The following NAV2 variants were observed in gnomAD, a reference collection of about 807,000 sequenced individuals.
NAV2 encodes helicase, APC down-regulated 1.
Under a neutral mutation model 223.2 loss-of-function variants are expected in NAV2, and 54 were observed. That is an observed-to-expected ratio of 0.24 (90% confidence interval 0.19 to 0.30). The LOEUF (loss-of-function observed/expected upper bound fraction) is 0.30, where lower values mean the gene tolerates loss of function less well. Ranked by LOEUF, NAV2 falls within the 10% of genes least tolerant of loss-of-function variation. The pLI is 1.00. For missense variants in NAV2, 2,806 were observed against 3,147.5 expected (o/e 0.89, Z 2.60); for synonymous variants, 1,279 against 1,239.3 (o/e 1.03, Z -0.67).
intron 12 of NAV2, among the ~76,000 whole-genome samples, chr11:20,038,670 T>C (rs1433822432): frequency 1.3e-5 from 2 of 152,166 alleles, no homozygotes; most frequent in Non-Finnish European, 2.9e-5. Context: ...TGTGGCTCAT[T>C]TGGGTTCCTG....
chr11:19,930,002 T>G (rs2045173659), intron 6 of NAV2, among the ~76,000 whole-genome samples: 1 of 152,154 alleles, frequency 6.6e-6, no homozygotes, highest in South Asian at 2.1e-4. Context: ...CTCTACCACT[T>G]TTTACACTGT....
chr11:19,868,381 G>T (rs2153045286), intron 3 of NAV2, among the ~76,000 whole-genome samples: 1 of 152,278 alleles, frequency 6.6e-6, no homozygotes, highest in South Asian at 2.1e-4. Flanking sequence ...AGACTCTCGT[G>T]GGTCCTTTCT....
intron 1 of NAV2, among the ~76,000 whole-genome samples, chr11:19,516,872 CAAGA>C (rs1489123466): frequency 1.3e-5 from 2 of 151,996 alleles, no homozygotes; most frequent in Non-Finnish European, 2.9e-5. Flanking sequence ...AGTGAACAAA[CAAGA>C]AAGACACAAT....
chr11:19,886,725 T>C (rs1235917922), intron 5 of NAV2, among the ~76,000 whole-genome samples: 1 of 152,168 alleles, frequency 6.6e-6, no homozygotes, highest in Non-Finnish European at 1.5e-5. Flanking sequence ...GAATGATTTG[T>C]TATCAGTCCC....
chr11:19,444,628 G>T (rs974715587), intron 1 of NAV2, among the ~76,000 whole-genome samples: 2 of 151,976 alleles, frequency 1.3e-5, no homozygotes, highest in African/African-American at 4.8e-5. Flanking sequence ...AGTTCCCTTT[G>T]TGTTGAACCA....
Position 20,114,643 on chromosome 11 carries a change from A to G in NAV2, c.7012A>G (p.Thr2338Ala). The G allele has an allele frequency of 1.2e-6, 2 of 1,614,158 alleles. No homozygotes were observed. Among genetic ancestry groups the G allele is most frequent in the Non-Finnish European group, 1.7e-6 (2 of 1,180,032 alleles). ...WEDPAKWVMD[T>A]YPWAASPQQH... ...GGATCCTGCCAAGTGGGTGATGGAC[A>G]CATATCCATGGGCAGCCAGCCCACA... The change falls in exon 37 of 38, where the codon ACA (threonine) becomes GCA (alanine). Residue 2338 changes from threonine (T) to alanine (A), a missense_variant. Thr to Ala is a moderately conservative substitution (Grantham distance 58). This residue lies in a region of NAV2 where 824 missense variants were observed against 1,069.4 expected (regional missense o/e 0.77). Coordinates refer to ENST00000349880, the MANE Select transcript of NAV2 (RefSeq NM_145117.5).
rs112628904 is a variant in NAV2, at chr11:19,789,748, G to A, written c.268-42736G>A. Among the ~76,000 whole-genome samples, 665 of 152,304 alleles carry A rather than the reference G, an allele frequency of 4.4e-3. 7 individuals are homozygous for A. Among genetic ancestry groups the A allele is most frequent in the African/African-American group, 0.015 (618 of 41,568 alleles). On this transcript the variant is annotated intron_variant, in intron 1 of 37. Coordinates refer to ENST00000349880, the MANE Select transcript of NAV2 (RefSeq NM_145117.5). ...GGATAGCATATAATTGTGCTAAATA[G>A]CATGGCACTGTTTTGAGTATCTTTG...
At chr11:19,444,988 T>G (rs1851532403) in intron 1 of NAV2, among the ~76,000 whole-genome samples, 1 of 152,154 alleles carries the variant, frequency 6.6e-6, no homozygotes, top group South Asian at 2.1e-4. Flanking sequence ...TCAATAAAAG[T>G]TAACTACCAC....
rs141026431 is a variant in NAV2, at chr11:19,924,311, AC to A, written c.932-8864del. ...GTAATTCTTTAAAAAAAAAAAAAAA[AC>A]AAAAAAAAACTGGTTTTTAGCTACC... is the stretch of plus-strand genomic sequence containing the variant. On this transcript the variant is annotated intron_variant, in intron 6 of 37. Transcript: ENST00000349880. 6.9e-4 allele frequency among the ~76,000 whole-genome samples: 104 copies of A among 150,926 alleles called. 1 individual carries two copies. Among genetic ancestry groups the A allele is most frequent in the Admixed American group, 2.2e-3 (33 of 15,174 alleles).
At chr11:20,017,823 C>G (rs1370416897) in intron 11 of NAV2, among the ~76,000 whole-genome samples, 1 of 152,158 alleles carries the variant, frequency 6.6e-6, no homozygotes, top group South Asian at 2.1e-4. Flanking sequence ...CAGATCACAC[C>G]CAGTAAAATT....
intron 6 of NAV2, among the ~76,000 whole-genome samples, chr11:19,905,811 T>C (rs542007668): frequency 6.6e-6 from 1 of 152,168 alleles, no homozygotes; most frequent in Non-Finnish European, 1.5e-5. Context: ...TTCAGGCTCA[T>C]ACCTTCCAAC....
intron 26 of NAV2, among the ~76,000 whole-genome samples, chr11:20,086,870 G>A (rs2060480360): frequency 6.6e-6 from 1 of 152,096 alleles, no homozygotes; most frequent in Non-Finnish European, 1.5e-5. Context: ...CACTACTTTG[G>A]TTCCATTAAA....
At chr11:19,507,465 T>C (rs527638455) in intron 1 of NAV2, among the ~76,000 whole-genome samples, 2 of 152,336 alleles carry the variant, frequency 1.3e-5, no homozygotes, top group South Asian at 4.1e-4. Flanking sequence ...TGATGAGAAG[T>C]GGCTAATTTG....
chr11:20,103,863 T>A, intron 34 of NAV2, 139 bp downstream of exon 34: 1 of 775,346 alleles, frequency 1.3e-6, no homozygotes, highest in Non-Finnish European at 2.2e-6. Flanking sequence ...TTAATCCATT[T>A]AATTTTAACT....
At chr11:20,085,200 A>G (rs2060357127) in intron 26 of NAV2, among the ~76,000 whole-genome samples, 1 of 151,628 alleles carries the variant, frequency 6.6e-6, no homozygotes, top group Non-Finnish European at 1.5e-5. Context: ...CTATTTAAAA[A>G]AAAAAAAAAA....
At chr11:20,040,863 G>T (rs550511219) in intron 12 of NAV2, among the ~76,000 whole-genome samples, 1 of 152,152 alleles carries the variant, frequency 6.6e-6, no homozygotes. Flanking sequence ...GGACTTTCTC[G>T]TTTTTTAATC....
intron 11 of NAV2, chr11:20,022,623 G>T: frequency 1.0e-6 from 1 of 987,906 alleles, no homozygotes; most frequent in Non-Finnish European, 1.2e-6. Context: ...TATAGTCAAT[G>T]ATTTTTGCAT....
intron 10 of NAV2, among the ~76,000 whole-genome samples, chr11:19,953,899 T>TG (rs950378135): frequency 2.6e-5 from 4 of 151,824 alleles, no homozygotes; most frequent in Admixed American, 1.3e-4. Context: ...CCACTAAACT[T>TG]GGAGTTCCTA....
chr11:19,496,221 G>T (rs1464814446), intron 1 of NAV2, among the ~76,000 whole-genome samples: 1 of 152,192 alleles, frequency 6.6e-6, no homozygotes, highest in East Asian at 1.9e-4. Flanking sequence ...GTAATGATTT[G>T]TTATATGTTG....
Sources: gnomAD v4.1 joint callset for allele counts (sites outside exome capture counted in the v4.1 genomes callset) on GRCh38, gnomAD v4.1.1 for gene constraint, gnomAD v4.1.1 regional missense constraint, MANE v1.5 for transcripts, NCBI Gene and HGNC (gene_info 2026-07-23, HGNC 2026-07-21) for gene names.